The following CPED1 variants were observed in gnomAD, a reference collection of about 807,000 sequenced individuals.
CPED1 encodes cadherin-like and PC-esterase domain-containing protein 1.
Under a neutral mutation model 128.2 loss-of-function variants are expected in CPED1, and 114 were observed. That is an observed-to-expected ratio of 0.89 (90% CI 0.76 to 1.04). The LOEUF is 1.04. CPED1 is among the 50% of genes least tolerant of loss of function. The pLI is 0.00. For synonymous variants in CPED1, 462 were observed against 426.7 expected, an observed-to-expected ratio of 1.08 and a Z score of -1.02; for missense variants, 1,211 against 1,207.1, an observed-to-expected ratio of 1.00 and a Z score of -0.05.
chr7:121,118,358 C>T (rs1013490570), intron 7 of CPED1, among the ~76,000 whole-genome samples: 2 of 151,814 alleles, frequency 1.3e-5, no homozygotes, highest in Admixed American at 6.6e-5. Context: ...GTCAGGAGTT[C>T]GAGAACAGCC....
intron 16 of CPED1, among the ~76,000 whole-genome samples, chr7:121,218,244 C>T (rs1356945191): frequency 2.0e-5 from 3 of 151,336 alleles, no homozygotes; most frequent in African/African-American, 7.3e-5. Flanking sequence ...ATTTGTCCGT[C>T]TTGGACTCCC....
intron 16 of CPED1, among the ~76,000 whole-genome samples, chr7:121,227,911 A>T (rs1176726507): frequency 6.6e-6 from 1 of 152,106 alleles, no homozygotes; most frequent in East Asian, 1.9e-4. Context: ...TAATATCCTG[A>T]GATTTGCAAA....
At chr7:120,996,864 C>T (rs1796414988) in intron 2 of CPED1, among the ~76,000 whole-genome samples, 1 of 152,230 alleles carries the variant, frequency 6.6e-6, no homozygotes, top group African/African-American at 2.4e-5. Flanking sequence ...AGTCTGTGCA[C>T]AGGTCCCATT....
chr7:121,128,359 GT>G, intron 10 of CPED1, 22 bp from the exon 11 acceptor site: 2 of 1,318,300 alleles, frequency 1.5e-6, no homozygotes, highest in Non-Finnish European at 2.2e-6. Flanking sequence ...AATTGCTTAA[GT>G]TCTTTCCCCC....
intron 18 of CPED1, among the ~76,000 whole-genome samples, chr7:121,246,007 T>A (rs1798521558): frequency 6.6e-6 from 1 of 152,124 alleles, no homozygotes; most frequent in South Asian, 2.1e-4. Flanking sequence ...ACAGGCATTT[T>A]AAACCATCAC....
At chr7:121,104,025 T>G (rs1400528960) in intron 7 of CPED1, among the ~76,000 whole-genome samples, 1 of 152,062 alleles carries the variant, frequency 6.6e-6, no homozygotes, top group East Asian at 1.9e-4. Flanking sequence ...ATTTAAAAAT[T>G]TTAGTGTTAG....
intron 16 of CPED1, among the ~76,000 whole-genome samples, chr7:121,235,600 G>T (rs1351656637): frequency 6.6e-6 from 1 of 151,980 alleles, no homozygotes; most frequent in Non-Finnish European, 1.5e-5. Flanking sequence ...ATATAATGAG[G>T]GACACAATAA....
chr7:121,021,285 T>C (rs1033168819), intron 3 of CPED1, among the ~76,000 whole-genome samples: 2 of 151,956 alleles, frequency 1.3e-5, no homozygotes, highest in African/African-American at 2.4e-5. Flanking sequence ...TCCTTGTTTA[T>C]AATTTAATAG....
In CPED1 at chr7:121,116,621, C is replaced by A. The variant is rs192782494; in HGVS notation, c.919-7710C>A. Among the ~76,000 whole-genome samples, 690 of 152,152 alleles carry A rather than the reference C, an allele frequency of 4.5e-3. 2 individuals carry two copies. Among genetic ancestry groups the A allele is most frequent in the Non-Finnish European group, 5.3e-3 (361 of 68,000 alleles). On this transcript the variant is annotated intron_variant, in intron 7 of 22. Transcript: ENST00000310396. ...GATGAAAGTAAAAATACAGATGATT[C>A]ATTCTTCTGGATTTCAGGGTCCATC...
intron 22 of CPED1, among the ~76,000 whole-genome samples, chr7:121,293,070 C>T (rs1479318296): frequency 6.6e-6 from 1 of 152,202 alleles, no homozygotes; most frequent in African/African-American, 2.4e-5. Flanking sequence ...CCTCTGCTCT[C>T]TTCGGAGCCA....
At chr7:121,142,180 A>C in intron 16 of CPED1, 39 bp downstream of exon 16, 2 of 1,533,454 alleles carry the variant, frequency 1.3e-6, no homozygotes, top group Non-Finnish European at 8.9e-7. Context: ...TTGAATTGGG[A>C]ATGATCTGTT....
intron 10 of CPED1, 32 bp from the exon 11 acceptor site, chr7:121,128,350 A>G (rs1795559541): frequency 1.6e-6 from 2 of 1,230,378 alleles, no homozygotes; most frequent in South Asian, 1.2e-5. Flanking sequence ...CTTTTTAACA[A>G]TTGCTTAAGT....
chr7:121,214,448 A>G (rs1199736785), intron 16 of CPED1, among the ~76,000 whole-genome samples: 1 of 151,916 alleles, frequency 6.6e-6, no homozygotes, highest in Non-Finnish European at 1.5e-5. Flanking sequence ...ATGTGTCACC[A>G]TGCCTGGCTA....
chr7:121,234,141 C>G (rs1262827029), intron 16 of CPED1, among the ~76,000 whole-genome samples: 1 of 149,992 alleles, frequency 6.7e-6, no homozygotes, highest in Non-Finnish European at 1.5e-5. Flanking sequence ...GGGCACATTA[C>G]TCCAACAAAA....
intron 9 of CPED1, among the ~76,000 whole-genome samples, chr7:121,126,670 G>A (rs1795511746): frequency 6.6e-6 from 1 of 151,900 alleles, no homozygotes; most frequent in Non-Finnish European, 1.5e-5. Context: ...ATAATTCCAA[G>A]ATTTCTCCAT....
At chr7:121,163,263 A>G (rs1047727668) in intron 16 of CPED1, among the ~76,000 whole-genome samples, 3 of 152,192 alleles carry the variant, frequency 2.0e-5, no homozygotes, top group Admixed American at 2.0e-4. Flanking sequence ...ACAACATTCT[A>G]TTACATCTAA....
chr7:121,109,384 T>TC (rs528731427), intron 7 of CPED1, among the ~76,000 whole-genome samples: 5 of 152,170 alleles, frequency 3.3e-5, no homozygotes, highest in Non-Finnish European at 7.4e-5. Context: ...ATTTGTCCTT[T>TC]CACTCCCTAT....
intron 7 of CPED1, among the ~76,000 whole-genome samples, chr7:121,113,849 G>T (rs1025906926): frequency 5.3e-5 from 8 of 150,974 alleles, no homozygotes; most frequent in Non-Finnish European, 1.0e-4. Context: ...TTTTCTTTGA[G>T]ACAGAACCTC....
chr7:121,123,362 A>G (rs1032659207), intron 7 of CPED1, among the ~76,000 whole-genome samples: 32 of 152,168 alleles, frequency 2.1e-4, no homozygotes, highest in Non-Finnish European at 3.5e-4. Context: ...CATAGCAACA[A>G]AAGTTTTTCA....
Sources: allele counts gnomAD v4.1 joint callset (sites outside exome capture counted in the v4.1 genomes callset), GRCh38; gene constraint gnomAD v4.1.1; transcripts MANE v1.5; gene names NCBI Gene and HGNC (gene_info 2026-07-23, HGNC 2026-07-21).